Variants in BBS9 observed in about 807,000 individuals in gnomAD.
BBS9 encodes Bardet-Biedl syndrome 9.
Under a neutral mutation model 117.7 loss-of-function variants are expected in BBS9, and 89 were observed. The observed-to-expected ratio is 0.76, with a 90% CI of 0.64 to 0.90. The LOEUF is 0.90. Ranked by LOEUF, BBS9 falls within the 40% of genes least tolerant of loss-of-function variation. BBS9 has a pLI of 0.00. For synonymous variants in BBS9, 379 were observed against 370.9 expected (o/e 1.02, Z -0.25); for missense variants, 982 against 1,042.2 (o/e 0.94, Z 0.80).
intron 19 of BBS9, among the ~76,000 whole-genome samples, chr7:33,440,674 T>C (rs1178574044): frequency 6.6e-6 from 1 of 152,210 alleles, no homozygotes; most frequent in East Asian, 1.9e-4. Context: ...CCTAAAAACG[T>C]ACTGAATCAC....
chr7:33,193,307 T>G (rs1245158430), intron 5 of BBS9, among the ~76,000 whole-genome samples: 2 of 152,188 alleles, frequency 1.3e-5, no homozygotes, highest in East Asian at 3.8e-4. Flanking sequence ...TAATTCATAT[T>G]CTTATTAAAT....
At chr7:33,552,776 C>A (rs1011686787) in intron 21 of BBS9, among the ~76,000 whole-genome samples, 1 of 152,140 alleles carries the variant, frequency 6.6e-6, no homozygotes. Context: ...CCCTTCCCAT[C>A]CATTTATTTC....
intron 5 of BBS9, among the ~76,000 whole-genome samples, chr7:33,215,701 C>T (rs544626892): frequency 2.0e-3 from 311 of 152,194 alleles, no homozygotes; most frequent in Non-Finnish European, 3.8e-3. Context: ...GCATTTGCAG[C>T]TATTTGAATG....
intron 19 of BBS9, among the ~76,000 whole-genome samples, chr7:33,472,926 T>G (rs1262546707): frequency 6.6e-6 from 1 of 152,218 alleles, no homozygotes; most frequent in Non-Finnish European, 1.5e-5. Flanking sequence ...ATAAAATGAT[T>G]CATCCCAAGA....
chr7:33,281,558 T>TA (rs1273574937), intron 9 of BBS9, among the ~76,000 whole-genome samples: 4 of 151,738 alleles, frequency 2.6e-5, no homozygotes, highest in Non-Finnish European at 5.9e-5. Flanking sequence ...TTCTTTTTTT[T>TA]ATAGATAGGA....
chr7:33,197,950 A>G (rs1403192801), intron 5 of BBS9, among the ~76,000 whole-genome samples: 1 of 151,982 alleles, frequency 6.6e-6, no homozygotes, highest in East Asian at 1.9e-4. Flanking sequence ...CTAAATTTGT[A>G]TCTTCAGTAT....
chr7:33,375,033 A>G (rs1162999608), intron 17 of BBS9, among the ~76,000 whole-genome samples: 2 of 152,078 alleles, frequency 1.3e-5, no homozygotes, highest in Admixed American at 1.3e-4. Flanking sequence ...TGTATAGTTC[A>G]CTGTTTATGA....
At chr7:33,229,341 T>C (rs1455198958) in intron 5 of BBS9, among the ~76,000 whole-genome samples, 1 of 73,288 alleles carries the variant, frequency 1.4e-5, no homozygotes, top group African/African-American at 4.3e-5. Context: ...CATATCCTTG[T>C]ATACTTCTAA....
intron 19 of BBS9, among the ~76,000 whole-genome samples, chr7:33,403,410 A>C (rs1829300492): frequency 6.7e-6 from 1 of 149,312 alleles, no homozygotes. Flanking sequence ...GGTGTGCTGC[A>C]CCCATTAACT....
intron 12 of BBS9, among the ~76,000 whole-genome samples, chr7:33,348,161 T>C (rs1479878200): frequency 1.1e-4 from 17 of 152,124 alleles, no homozygotes; most frequent in Non-Finnish European, 1.5e-5. Context: ...TCCCCATCTC[T>C]CTCATCCCTA....
intron 21 of BBS9, among the ~76,000 whole-genome samples, chr7:33,627,439 C>A (rs1418460061): frequency 6.6e-6 from 1 of 152,158 alleles, no homozygotes; most frequent in Non-Finnish European, 1.5e-5. Context: ...TTGGAGCCCC[C>A]ACAAAAAGTC....
At chr7:33,525,725 A>T (rs1361000420) in intron 20 of BBS9, among the ~76,000 whole-genome samples, 1 of 123,350 alleles carries the variant, frequency 8.1e-6, no homozygotes, top group Non-Finnish European at 1.6e-5. Flanking sequence ...GTGTCTTTTA[A>T]TTGGAGCATT....
chr7:33,257,557 T>A, intron 6 of BBS9, 147 bp downstream of exon 6: 1 of 768,156 alleles, frequency 1.3e-6, no homozygotes, highest in Admixed American at 2.2e-5. Context: ...TTAGACTATA[T>A]CATTTACTAT....
intron 21 of BBS9, among the ~76,000 whole-genome samples, chr7:33,559,775 A>G (rs1226547184): frequency 6.6e-6 from 1 of 152,106 alleles, no homozygotes; most frequent in Non-Finnish European, 1.5e-5. Flanking sequence ...GAGTCCCTTC[A>G]TAATCTAGTT....
At chr7:33,326,079 T>C (rs1273093509) in intron 9 of BBS9, among the ~76,000 whole-genome samples, 1 of 152,118 alleles carries the variant, frequency 6.6e-6, no homozygotes, top group African/African-American at 2.4e-5. Context: ...TTTTGGGCCA[T>C]GAATTTCCTG....
At chr7:33,420,145 G>T (rs919523740) in intron 19 of BBS9, among the ~76,000 whole-genome samples, 1 of 152,240 alleles carries the variant, frequency 6.6e-6, no homozygotes. Flanking sequence ...AAGAGATTTT[G>T]GGGTCAGACA....
chr7:33,557,085 C>T (rs917663357), intron 21 of BBS9, among the ~76,000 whole-genome samples: 4 of 152,118 alleles, frequency 2.6e-5, no homozygotes, highest in Non-Finnish European at 2.9e-5. Context: ...CCTTTCCTCT[C>T]CCTGGCTTCA....
chr7:33,460,988 T>C (rs1209480068), intron 19 of BBS9, among the ~76,000 whole-genome samples: 1 of 152,126 alleles, frequency 6.6e-6, no homozygotes, highest in Non-Finnish European at 1.5e-5. Flanking sequence ...TTATACAATA[T>C]GTGATCTTTG....
At chr7:33,438,239 A>G (rs1584827983) in intron 19 of BBS9, among the ~76,000 whole-genome samples, 1 of 152,186 alleles carries the variant, frequency 6.6e-6, no homozygotes, top group African/African-American at 2.4e-5. Flanking sequence ...TTTAAAAGAA[A>G]AGGGAGAAGC....
Sources: gnomAD v4.1 joint callset for allele counts (sites outside exome capture counted in the v4.1 genomes callset) on GRCh38, gnomAD v4.1.1 for gene constraint, MANE v1.5 for transcripts, NCBI Gene and HGNC (gene_info 2026-07-23, HGNC 2026-07-21) for gene names.